The following SEMA3D variants were observed in gnomAD, a reference collection of about 807,000 sequenced individuals.
SEMA3D encodes the protein semaphorin 3D, also known as semaphorin-3D.
Under a neutral mutation model 100.1 loss-of-function variants are expected in SEMA3D, and 84 were observed. That is an observed-to-expected ratio of 0.84 (90% confidence interval 0.70 to 1.01). The LOEUF is 1.01. Among genes scored for constraint, SEMA3D ranks in the 50% least tolerant of loss-of-function variants. SEMA3D has a pLI of 0.00. For missense variants in SEMA3D, 875 were observed against 934.1 expected (o/e 0.94, Z 0.82); for synonymous variants, 312 against 320.7 (o/e 0.97, Z 0.29).
chr7:85,220,407 CA>C, the SEMA3D span, among the ~76,000 whole-genome samples: 5 of 151,316 alleles, frequency 3.3e-5, no homozygotes, highest in South Asian at 2.1e-4. Context: ...ACCTCTTCCC[CA>C]GGGGGAAACA....
chr7:84,999,940 G>C (rs1318322884), intron 18 of SEMA3D, 75 bp from the exon 19 acceptor site: 2 of 1,156,294 alleles, frequency 1.7e-6, no homozygotes, highest in Admixed American at 4.3e-5. Flanking sequence ...AGGCTACATA[G>C]TTTTACTTAG....
chr7:85,058,620 C>T (rs964037730), intron 8 of SEMA3D, among the ~76,000 whole-genome samples: 5 of 148,072 alleles, frequency 3.4e-5, no homozygotes, highest in African/African-American at 7.9e-5. Flanking sequence ...TGGTGGCGGG[C>T]GCCTGCAGTC....
intron 9 of SEMA3D, chr7:85,050,662 A>G (rs73377853): frequency 0.018 from 7,823 of 446,346 alleles, 540 homozygotes; most frequent in African/African-American, 0.14. Flanking sequence ...TGCATTGTTC[A>G]AATCATTTAT....
chr7:85,146,130 T>C (rs997169637), intron 2 of SEMA3D, among the ~76,000 whole-genome samples: 1 of 152,204 alleles, frequency 6.6e-6, no homozygotes, highest in Non-Finnish European at 1.5e-5. Context: ...TATAAATAGA[T>C]AATTCAATCT....
In SEMA3D at chr7:84,996,197, G is replaced by T. The variant is rs1277824869; in HGVS notation, c.*3243C>A. ...TTTTTGGACAGCTGAATGATATCAA[G>T]TTGTTCTTGGAAATTCAATTATGAT... On this transcript the variant is annotated 3_prime_UTR_variant, in exon 19 of 19. Transcript: ENST00000284136. 6.6e-6 allele frequency: 1 copy of T among 151,864 alleles called. No individual in the cohort carries two copies. The highest frequency in any genetic ancestry group is 1.5e-5 in the Non-Finnish European group (1 of 67,842). The allele number at this position is 151,864 out of a possible 1,614,324, so 9.4% of individuals were successfully genotyped here.
chr7:85,015,013 A>T lies in SEMA3D; in HGVS notation c.1703+46T>A, dbSNP rs376319427. ...GACAAAGCATTAATGTGAGATATTCAGCTTGTAGAAAGGAAGCCTTTATAT... is the reference window on the plus strand; with the variant it reads ...GACAAAGCATTAATGTGAGATATTCTGCTTGTAGAAAGGAAGCCTTTATAT... On this transcript the variant is annotated intron_variant, in intron 16 of 18. Coordinates refer to ENST00000284136, the MANE Select transcript of SEMA3D (RefSeq NM_001384900.1). 1.2e-5 allele frequency: 17 copies of T among 1,448,904 alleles called. No individual in the cohort carries two copies. In the African/African-American group the frequency reaches 2.0e-4, roughly 17 times the overall value. 89.8% of individuals were successfully genotyped at this position (1,448,904 alleles called of 1,614,324 possible).
chr7:85,007,269 C>T (rs1046944211), intron 17 of SEMA3D, among the ~76,000 whole-genome samples: 2 of 151,444 alleles, frequency 1.3e-5, no homozygotes, highest in African/African-American at 2.4e-5. Context: ...TCTTTTAGTG[C>T]TTTAATACTT....
the SEMA3D span, among the ~76,000 whole-genome samples, chr7:85,212,145 A>T: frequency 1.3e-5 from 2 of 152,158 alleles, no homozygotes; most frequent in Non-Finnish European, 2.9e-5. Flanking sequence ...ATCTAATAGT[A>T]CAAATGGTAT....
At chr7:85,030,032 G>C (rs1790502754) in intron 12 of SEMA3D, among the ~76,000 whole-genome samples, 1 of 151,938 alleles carries the variant, frequency 6.6e-6, no homozygotes, top group Non-Finnish European at 1.5e-5. Flanking sequence ...AATGTCTCTA[G>C]TGTTGGACAG....
chr7:85,004,650 C>T (rs1789745065), intron 18 of SEMA3D, among the ~76,000 whole-genome samples: 2 of 151,996 alleles, frequency 1.3e-5, no homozygotes, highest in Admixed American at 6.6e-5. Flanking sequence ...GATCATGGTC[C>T]CTCCCGCAGG....
chr7:85,072,691 A>G (rs1791808720), intron 6 of SEMA3D, among the ~76,000 whole-genome samples: 1 of 152,162 alleles, frequency 6.6e-6, no homozygotes, highest in Admixed American at 6.5e-5. Context: ...TAGGAACATG[A>G]GTTACTATAT....
At chr7:85,106,741 G>A (rs1208579094) in intron 3 of SEMA3D, among the ~76,000 whole-genome samples, 1 of 152,026 alleles carries the variant, frequency 6.6e-6, no homozygotes, top group African/African-American at 2.4e-5. Context: ...GGCTGGGGAG[G>A]CCTCAGGAAA....
chr7:85,075,855 A>G (rs1455465993), intron 5 of SEMA3D, among the ~76,000 whole-genome samples: 1 of 152,252 alleles, frequency 6.6e-6, no homozygotes, highest in Admixed American at 6.5e-5. Flanking sequence ...TTGCAAAAAA[A>G]CTTTACAATG....
At chr7:85,244,996 C>T in the SEMA3D span, among the ~76,000 whole-genome samples, 9 of 152,226 alleles carry the variant, frequency 5.9e-5, no homozygotes, top group East Asian at 1.7e-3. Flanking sequence ...CAGGCGTGAG[C>T]CACTGCGCCC....
chr7:85,193,519 G>A, the SEMA3D span, among the ~76,000 whole-genome samples: 3 of 152,118 alleles, frequency 2.0e-5, no homozygotes, highest in Admixed American at 2.0e-4. Context: ...CTAACCTGCT[G>A]GGATTTTATC....
At chr7:85,085,257 TATA>T in intron 4 of SEMA3D, among the ~76,000 whole-genome samples, 1 of 152,162 alleles carries the variant, frequency 6.6e-6, no homozygotes, top group Non-Finnish European at 1.5e-5. Flanking sequence ...CAAAAAAATA[TATA>T]ACTCTTTCAT....
chr7:85,230,938 A>G, the SEMA3D span, among the ~76,000 whole-genome samples: 2 of 152,022 alleles, frequency 1.3e-5, no homozygotes, highest in Admixed American at 6.6e-5. Context: ...AAGAACACCA[A>G]CTTCCCTCTA....
In SEMA3D at chr7:84,998,045, A is replaced by C. The variant is rs1789550064; in HGVS notation, c.*1395T>G. ...GCTTATTTATTGTTAAATTACAAAAACAATACTACAATTACAACAGATTAA... is the reference window on the plus strand; with the variant it reads ...GCTTATTTATTGTTAAATTACAAAACCAATACTACAATTACAACAGATTAA... On this transcript the variant is annotated 3_prime_UTR_variant, in exon 19 of 19. Transcript: ENST00000284136. 1 of 152,160 alleles carries C rather than the reference A, an allele frequency of 6.6e-6. No individual in the cohort carries two copies. Among genetic ancestry groups the C allele is most frequent in the Non-Finnish European group, 1.5e-5 (1 of 67,972 alleles). 9.4% of individuals were successfully genotyped at this position (152,160 alleles called of 1,614,324 possible). A position where few individuals can be genotyped will look rare whatever the true frequency, so the allele number is the denominator to read the frequency against.
chr7:85,145,126 G>GA lies in SEMA3D; in HGVS notation c.-41+8481dup, dbSNP rs1180271572. 3.3e-5 allele frequency among the ~76,000 whole-genome samples: 5 copies of GA among 152,180 alleles called. No individual in the cohort carries two copies. The East Asian group carries it at 9.6e-4, about 29-fold the overall frequency. ...CAAATTTTTAAACTCTTTCTGGAAT[G>GA]ATGCCATTCAAGTATGGGAATCATG... On this transcript the variant is annotated intron_variant, in intron 2 of 18. Transcript: ENST00000284136.
Sources: gnomAD v4.1 joint callset for allele counts (sites outside exome capture counted in the v4.1 genomes callset) on GRCh38, gnomAD v4.1.1 for gene constraint, MANE v1.5 for transcripts, NCBI Gene and HGNC (gene_info 2026-07-23, HGNC 2026-07-21) for gene names.